The following STX8 variants were observed in gnomAD, a reference collection of about 807,000 sequenced individuals.
The protein encoded by STX8 is syntaxin 8.
A neutral mutation model predicts 37.5 loss-of-function variants in STX8; 23 were observed. That is an observed-to-expected ratio of 0.61 (90% confidence interval 0.44 to 0.87). The LOEUF is 0.87. Ranked by LOEUF, STX8 falls within the 40% of genes least tolerant of loss-of-function variation. STX8 has a pLI of 0.00. For missense variants in STX8, 313 were observed against 284.7 expected (o/e 1.10, Z -0.71); for synonymous variants, 115 against 99.1 (o/e 1.16, Z -0.95).
At chr17:9,532,938 C>T (rs888453794) in intron 4 of STX8, among the ~76,000 whole-genome samples, 1 of 152,166 alleles carries the variant, frequency 6.6e-6, no homozygotes, top group South Asian at 2.1e-4. Context: ...AAAAAATGTG[C>T]TAAGGCAACA....
At chr17:9,442,631 C>T (rs545559949) in intron 6 of STX8, among the ~76,000 whole-genome samples, 13 of 152,304 alleles carry the variant, frequency 8.5e-5, no homozygotes, top group African/African-American at 1.7e-4. Flanking sequence ...TGGTCTCAAA[C>T]TCCTGACCTC....
chr17:9,333,580 G>A (rs1003143451), intron 7 of STX8, among the ~76,000 whole-genome samples: 7 of 152,070 alleles, frequency 4.6e-5, no homozygotes, highest in African/African-American at 7.2e-5. Flanking sequence ...TAGTAGAGAT[G>A]GGGTTTCACT....
chr17:9,390,942 C>CA (rs1166935835), intron 6 of STX8, among the ~76,000 whole-genome samples: 8 of 151,428 alleles, frequency 5.3e-5, no homozygotes, highest in East Asian at 1.9e-4. Context: ...AGCACCCCCT[C>CA]AAAAAAAAGT....
intron 6 of STX8, among the ~76,000 whole-genome samples, chr17:9,439,577 C>T (rs912060831): frequency 1.4e-4 from 21 of 149,486 alleles, no homozygotes; most frequent in Non-Finnish European, 7.4e-5. Context: ...CTCACTGCAA[C>T]CTCTGCCTCC....
chr17:9,370,613 A>C (rs1911373210), intron 7 of STX8, among the ~76,000 whole-genome samples: 2 of 152,218 alleles, frequency 1.3e-5, no homozygotes, highest in Non-Finnish European at 2.9e-5. Flanking sequence ...CACATCACTG[A>C]AACACTACTA....
At chr17:9,518,640 G>A (rs139294736) in intron 4 of STX8, among the ~76,000 whole-genome samples, 5,351 of 152,136 alleles carry the variant, frequency 0.035, 299 homozygotes, top group African/African-American at 0.12. Flanking sequence ...AGGCCGAGGC[G>A]GGTAGATCAC....
At position 9,299,365 on chromosome 17, in the gene STX8, T is replaced by C. The variant is rs563238001; in HGVS notation, c.644-48720A>G. Among the ~76,000 whole-genome samples the C allele has an allele frequency of 2.6e-5, 4 of 151,732 alleles. No homozygotes were observed. In the East Asian group the frequency reaches 5.8e-4, roughly 22 times the overall value. On this transcript the variant is annotated intron_variant, in intron 7 of 7. Coordinates refer to ENST00000306357, the MANE Select transcript of STX8 (RefSeq NM_004853.3). ...TCATTTCCCAAGCAAACCGAGGAAC[T>C]GTATTTCAGCCACAAAACCTCGATG... is the stretch of plus-strand genomic sequence containing the variant.
chr17:9,430,071 C>CTATATTA (rs1913888503), intron 6 of STX8, among the ~76,000 whole-genome samples: 3 of 41,864 alleles, frequency 7.2e-5, no homozygotes, highest in Non-Finnish European at 4.2e-5. Flanking sequence ...TATATATATT[C>CTATATTA]TATATAATAT....
intron 7 of STX8, among the ~76,000 whole-genome samples, chr17:9,375,003 G>T (rs543979900): frequency 6.8e-6 from 1 of 146,290 alleles, no homozygotes; most frequent in South Asian, 2.2e-4. Flanking sequence ...GGCAGAGGTT[G>T]CAGTGAGCTG....
chr17:9,382,518 G>A (rs549683909), intron 6 of STX8, among the ~76,000 whole-genome samples: 27 of 152,178 alleles, frequency 1.8e-4, no homozygotes, highest in African/African-American at 5.3e-4. Context: ...TGCCATGTTG[G>A]TTTGCTGCAC....
chr17:9,508,640 C>T (rs1904924984), intron 4 of STX8, among the ~76,000 whole-genome samples: 2 of 152,034 alleles, frequency 1.3e-5, no homozygotes, highest in East Asian at 3.9e-4. Flanking sequence ...AATTTTTGAA[C>T]TTGAAGACAG....
intron 6 of STX8, among the ~76,000 whole-genome samples, chr17:9,429,190 T>C (rs1235454907): frequency 6.6e-6 from 1 of 151,174 alleles, no homozygotes; most frequent in African/African-American, 2.4e-5. Flanking sequence ...TATAATTACA[T>C]AGTTTTTGGA....
rs765809132 is a variant in STX8 at position 9,362,828 on chromosome 17, C to CAAAAAAAAA, written c.643+15715_643+15723dup. ...TGGGCGACAGAGTGAGACTCCGTCT[C>CAAAAAAAAA]AAAAAAAAAAAAAAATAAATAAATA... On this transcript the variant is annotated intron_variant, in intron 7 of 7. Transcript: ENST00000306357. Among the ~76,000 whole-genome samples the CAAAAAAAAA allele has an allele frequency of 1.5e-3, 156 of 102,056 alleles. 1 individual carries two copies. The highest frequency in any genetic ancestry group is 9.6e-3 in the Admixed American group (99 of 10,350). 67.0% of individuals were successfully genotyped at this position (102,056 alleles called of 152,430 possible).
intron 7 of STX8, among the ~76,000 whole-genome samples, chr17:9,366,765 G>A (rs983445523): frequency 2.0e-5 from 3 of 152,090 alleles, no homozygotes; most frequent in Non-Finnish European, 4.4e-5. Context: ...CCATTTGATT[G>A]AGCCCTCCAT....
intron 6 of STX8, among the ~76,000 whole-genome samples, chr17:9,463,327 G>A (rs560398669): frequency 1.3e-5 from 2 of 152,254 alleles, no homozygotes; most frequent in African/African-American, 4.8e-5. Context: ...GGAACAGAGT[G>A]AGCACCCAAT....
At chr17:9,319,734 C>T (rs932529273) in intron 7 of STX8, among the ~76,000 whole-genome samples, 9 of 152,036 alleles carry the variant, frequency 5.9e-5, no homozygotes, top group South Asian at 2.1e-4. Flanking sequence ...GGGTAGATCA[C>T]GAGGTCAGGA....
In STX8 at chr17:9,338,746, C is replaced by T. The variant is rs939469111; in HGVS notation, c.643+39806G>A. ...GGCCCAAGACCCCCTGAATCGGTAT[C>T]TCTGTGTGTGGGGCCCAGATGTTTG... On this transcript the variant is annotated intron_variant, in intron 7 of 7. Transcript: ENST00000306357. 5.9e-5 allele frequency among the ~76,000 whole-genome samples: 9 copies of T among 152,200 alleles called. No homozygotes were observed. The South Asian group carries it at 1.0e-3, about 17-fold the overall frequency.
At chr17:9,377,399 C>A (rs1170827409) in intron 7 of STX8, among the ~76,000 whole-genome samples, 5 of 152,104 alleles carry the variant, frequency 3.3e-5, no homozygotes, top group African/African-American at 1.2e-4. Context: ...CTCCTGGGCT[C>A]AAGTGATTCT....
chr17:9,429,502 G>A (rs971416911), intron 6 of STX8, among the ~76,000 whole-genome samples: 3 of 143,372 alleles, frequency 2.1e-5, no homozygotes, highest in Admixed American at 7.5e-5. Context: ...AGGAGATCAA[G>A]ACCATCCTGG....
Sources: gnomAD v4.1 joint callset for allele counts (sites outside exome capture counted in the v4.1 genomes callset) on GRCh38, gnomAD v4.1.1 for gene constraint, MANE v1.5 for transcripts, NCBI Gene and HGNC (gene_info 2026-07-23, HGNC 2026-07-21) for gene names.